Variants in CRCP observed in about 807,000 individuals in gnomAD.
CRCP encodes the protein DNA-directed RNA polymerase III subunit RPC9.
A neutral mutation model predicts 18.5 loss-of-function variants in CRCP; 18 were observed. The observed-to-expected ratio is 0.97, with a 90% CI of 0.67 to 1.44. CRCP has a LOEUF of 1.44. Ranked by LOEUF, CRCP falls within the 40% of genes most tolerant of loss-of-function variation. The pLI is 0.00. For synonymous variants in CRCP, 53 were observed against 62.9 expected (o/e 0.84, Z 0.75); for missense variants, 130 against 176.4 (o/e 0.74, Z 1.49).
At chr7:66,147,730 T>C (rs1450652170) in intron 5 of CRCP, among the ~76,000 whole-genome samples, 4 of 152,190 alleles carry the variant, frequency 2.6e-5, no homozygotes, top group Admixed American at 1.3e-4. Flanking sequence ...TACCAAGGTT[T>C]GTAGCAGTAT....
At chr7:66,129,595 G>C (rs1481787701) in intron 2 of CRCP, among the ~76,000 whole-genome samples, 3 of 145,242 alleles carry the variant, frequency 2.1e-5, no homozygotes, top group Admixed American at 1.4e-4. Flanking sequence ...GAAGGTAGTA[G>C]AATAAACAGA....
chr7:66,143,673 G>A (rs1788204115), intron 4 of CRCP, among the ~76,000 whole-genome samples: 1 of 152,166 alleles, frequency 6.6e-6, no homozygotes, highest in African/African-American at 2.4e-5. Context: ...TGAGACAGAT[G>A]GCATTATGAC....
At chr7:66,137,178 A>G (rs1326025936) in intron 4 of CRCP, among the ~76,000 whole-genome samples, 3 of 152,188 alleles carry the variant, frequency 2.0e-5, no homozygotes, top group African/African-American at 4.8e-5. Context: ...ACAGTGTAGC[A>G]TACAGGTTCT....
At chr7:66,151,404 C>T (rs923007125) in intron 5 of CRCP, among the ~76,000 whole-genome samples, 2 of 152,010 alleles carry the variant, frequency 1.3e-5, no homozygotes, top group South Asian at 4.1e-4. Flanking sequence ...CCCGTCTCTA[C>T]GAAAAATACG....
At position 66,127,643 on chromosome 7, in the gene CRCP, A is replaced by C. The variant is rs1286377794; in HGVS notation, c.9-61A>C. ...TATCTTGACAGGAATTCTTTTACAGAATTTGATACCCAGAAAGGGGTGTGA... is the reference window on the plus strand; with the variant it reads ...TATCTTGACAGGAATTCTTTTACAGCATTTGATACCCAGAAAGGGGTGTGA... On this transcript the variant is annotated intron_variant, in intron 1 of 5. Transcript: ENST00000395326. 3 of 1,581,568 alleles carry C rather than the reference A, an allele frequency of 1.9e-6. No individual in the cohort carries two copies. In the African/African-American group the frequency reaches 4.0e-5, roughly 21 times the overall value.
intron 1 of CRCP, among the ~76,000 whole-genome samples, chr7:66,121,709 A>G (rs1188849610): frequency 6.6e-6 from 1 of 152,194 alleles, no homozygotes; most frequent in Non-Finnish European, 1.5e-5. Context: ...ATGGCTGGAA[A>G]AGTTTGTATC....
intron 1 of CRCP, among the ~76,000 whole-genome samples, chr7:66,120,165 T>C (rs1051548039): frequency 5.3e-5 from 8 of 150,742 alleles, no homozygotes; most frequent in African/African-American, 1.7e-4. Context: ...GCCTGGGCGA[T>C]AGAGCGAGAC....
chr7:66,123,104 G>A (rs1787500572), intron 1 of CRCP, among the ~76,000 whole-genome samples: 1 of 151,782 alleles, frequency 6.6e-6, no homozygotes. Flanking sequence ...ACAGGCGCCC[G>A]CCACTACGCC....
At chr7:66,140,588 C>G (rs1001160655) in intron 4 of CRCP, among the ~76,000 whole-genome samples, 1 of 152,058 alleles carries the variant, frequency 6.6e-6, no homozygotes, top group African/African-American at 2.4e-5. Flanking sequence ...GACGGGGTTT[C>G]TCCATGTTGG....
At chr7:66,116,315 G>A (rs1480915408) in intron 1 of CRCP, among the ~76,000 whole-genome samples, 1 of 150,784 alleles carries the variant, frequency 6.6e-6, no homozygotes, top group African/African-American at 2.4e-5. Flanking sequence ...GGCAACATAG[G>A]GAGACCCTGT....
intron 4 of CRCP, among the ~76,000 whole-genome samples, chr7:66,143,040 TC>T (rs950690549): frequency 6.6e-6 from 1 of 152,210 alleles, no homozygotes; most frequent in African/African-American, 2.4e-5. Context: ...GTATTTTTTT[TC>T]TAAACAACCT....
chr7:66,135,970 C>T (rs1371815201), intron 4 of CRCP, among the ~76,000 whole-genome samples: 1 of 151,852 alleles, frequency 6.6e-6, no homozygotes, highest in Non-Finnish European at 1.5e-5. Context: ...TATGACATAT[C>T]GCATCAACCC....
rs1787779854 is a variant in CRCP, at chr7:66,130,848, G to C, written c.144+6G>C. On this transcript the variant is annotated splice_donor_region_variant and intron_variant, in intron 3 of 5. Transcript: ENST00000395326. The stretch of plus-strand genomic sequence containing the variant: ...TGAACACTATCACCTATGAAGTAAG[G>C]CTGGGCTTCTGCCAGGCCTACCTAA... The C allele has an allele frequency of 2.0e-6, 3 of 1,471,608 alleles. No homozygotes were observed. The highest frequency in any genetic ancestry group is 2.8e-6 in the Non-Finnish European group (3 of 1,055,044). The allele number at this position is 1,471,608 out of a possible 1,614,324, so 91.2% of individuals were successfully genotyped here.
At chr7:66,119,713 A>T (rs28470208) in intron 1 of CRCP, 12 of 152,092 alleles carry the variant, frequency 7.9e-5, no homozygotes, top group African/African-American at 2.9e-4. Context: ...CAGAGGAAAA[A>T]CTGTTTGATT....
chr7:66,138,168 G>A, intron 4 of CRCP, among the ~76,000 whole-genome samples: 1 of 152,118 alleles, frequency 6.6e-6, no homozygotes, highest in East Asian at 1.9e-4. Flanking sequence ...TAATTTCACT[G>A]GGTTGATTGA....
chr7:66,151,206 T>C (rs1205563102), intron 5 of CRCP, among the ~76,000 whole-genome samples: 4 of 152,076 alleles, frequency 2.6e-5, no homozygotes, highest in Non-Finnish European at 5.9e-5. Context: ...GAGTGAGGAT[T>C]AGAAGAAGGC....
intron 1 of CRCP, among the ~76,000 whole-genome samples, chr7:66,121,968 T>G (rs895922748): frequency 6.6e-6 from 1 of 152,204 alleles, no homozygotes; most frequent in East Asian, 1.9e-4. Flanking sequence ...TCCGTTTGCT[T>G]GTACCAGAGT....
At chr7:66,143,064 A>T (rs1018797618) in intron 4 of CRCP, among the ~76,000 whole-genome samples, 1 of 152,068 alleles carries the variant, frequency 6.6e-6, no homozygotes, top group African/African-American at 2.4e-5. Flanking sequence ...CCTTGACTCT[A>T]TCTGTTCCCT....
At chr7:66,116,534 A>T (rs1787269213) in intron 1 of CRCP, among the ~76,000 whole-genome samples, 1 of 151,708 alleles carries the variant, frequency 6.6e-6, no homozygotes, top group Non-Finnish European at 1.5e-5. Context: ...TAATTTTGCA[A>T]CCCACTGATG....
Sources: allele counts gnomAD v4.1 joint callset (sites outside exome capture counted in the v4.1 genomes callset), GRCh38; gene constraint gnomAD v4.1.1; transcripts MANE v1.5; gene names NCBI Gene and HGNC (gene_info 2026-07-23, HGNC 2026-07-21).